SULF1: variants seen among roughly 807,000 people sequenced by gnomAD.
SULF1 encodes the protein extracellular sulfatase Sulf-1.
A neutral mutation model predicts 110.5 loss-of-function variants in SULF1; 46 were observed. The ratio of observed to expected loss-of-function variants is 0.42; its 90% CI spans 0.33 to 0.53. The LOEUF (loss-of-function observed/expected upper bound fraction) is 0.53. Among genes scored for constraint, SULF1 ranks in the 20% least tolerant of loss-of-function variants. The probability of loss-of-function intolerance (pLI) is 0.12; values close to 1 mark genes in which losing one functional copy is unlikely to be tolerated. For missense variants in SULF1, 941 were observed against 1,094.2 expected (o/e 0.86, Z 1.98); for synonymous variants, 371 against 387.1 (o/e 0.96, Z 0.49).
chr8:69,524,255 A>G (rs901656287), intron 3 of SULF1, among the ~76,000 whole-genome samples: 2 of 152,116 alleles, frequency 1.3e-5, no homozygotes, highest in Non-Finnish European at 2.9e-5. Flanking sequence ...GCCTTGCTAT[A>G]AAGAAATACC....
At chr8:69,554,994 A>C (rs1354930105) in intron 3 of SULF1, among the ~76,000 whole-genome samples, 30 of 87,638 alleles carry the variant, frequency 3.4e-4, no homozygotes, top group African/African-American at 1.2e-3. Flanking sequence ...AAAAAAAAAA[A>C]AAAACAAAAA....
At chr8:69,622,904 A>G (rs1281828013) in intron 14 of SULF1, among the ~76,000 whole-genome samples, 1 of 152,076 alleles carries the variant, frequency 6.6e-6, no homozygotes, top group Non-Finnish European at 1.5e-5. Flanking sequence ...TGATCTGGAA[A>G]CTGCAGGATT....
chr8:69,603,436 AC>A, intron 11 of SULF1, 116 bp downstream of exon 11: 1 of 1,534,136 alleles, frequency 6.5e-7, no homozygotes, highest in Non-Finnish European at 9.0e-7. Context: ...CACAAGGATC[AC>A]CCCAAGCTGA....
chr8:69,605,093 C>T (rs1368042718), intron 13 of SULF1, among the ~76,000 whole-genome samples, 161 bp downstream of exon 13: 3 of 152,198 alleles, frequency 2.0e-5, no homozygotes, highest in Admixed American at 1.3e-4. Context: ...GACAGAATTA[C>T]GTAACTGGTT....
At chr8:69,498,146 C>CA (rs1563470203) in intron 2 of SULF1, among the ~76,000 whole-genome samples, 1 of 148,392 alleles carries the variant, frequency 6.7e-6, no homozygotes, top group Non-Finnish European at 1.5e-5. Context: ...CACACACACA[C>CA]ACTCACAAGC....
intron 22 of SULF1, among the ~76,000 whole-genome samples, chr8:69,651,166 T>G (rs7822649): frequency 0.53 from 80,509 of 150,942 alleles, 22,221 homozygotes; most frequent in African/African-American, 0.69. Flanking sequence ...CCATTCTTCT[T>G]CCTCCCCTCC....
chr8:69,499,251 C>G (rs978755294), intron 2 of SULF1, among the ~76,000 whole-genome samples: 16 of 152,128 alleles, frequency 1.1e-4, no homozygotes, highest in Non-Finnish European at 1.5e-5. Flanking sequence ...GCTATAAATA[C>G]ACATTAGCAT....
intron 21 of SULF1, among the ~76,000 whole-genome samples, chr8:69,639,693 G>A (rs1811316011): frequency 6.6e-6 from 1 of 152,210 alleles, no homozygotes; most frequent in Non-Finnish European, 1.5e-5. Context: ...CAGTTTGCAG[G>A]AGCTTTTTGT....
intron 3 of SULF1, among the ~76,000 whole-genome samples, chr8:69,541,307 G>A (rs1813839395): frequency 6.6e-6 from 1 of 152,174 alleles, no homozygotes. Context: ...CCTAGGCAAA[G>A]GCAACATGGC....
At chr8:69,568,593 G>A (rs897846307) in intron 5 of SULF1, among the ~76,000 whole-genome samples, 7 of 152,184 alleles carry the variant, frequency 4.6e-5, no homozygotes, top group African/African-American at 1.7e-4. Flanking sequence ...CATCATCCCA[G>A]GAGGAAACAG....
Position 69,639,455 on chromosome 8 carries a change from G to A in SULF1, c.2551+597G>A, listed in dbSNP as rs180870930. The stretch of plus-strand genomic sequence containing the variant: ...CCTTCCCAGCTATGTGTGTTAAACT[G>A]GCTTATTTCTCCTTTGTTTCATGGA... On this transcript the variant is annotated intron_variant, in intron 21 of 22. Coordinates refer to ENST00000402687, the MANE Select transcript of SULF1 (RefSeq NM_001128205.2). Among the ~76,000 whole-genome samples, 5 of 152,342 alleles carry A rather than the reference G, an allele frequency of 3.3e-5. No homozygotes were observed. The East Asian group carries it at 9.6e-4, about 29-fold the overall frequency.
At chr8:69,490,879 G>C (rs951449753), upstream of SULF1, among the ~76,000 whole-genome samples, 3 of 152,172 alleles carry the variant, frequency 2.0e-5, no homozygotes, top group African/African-American at 7.2e-5. Flanking sequence ...TTTGTAAATA[G>C]TAGCTATAAT....
At chr8:69,593,506 T>G (rs1807058313) in intron 8 of SULF1, among the ~76,000 whole-genome samples, 2 of 152,214 alleles carry the variant, frequency 1.3e-5, no homozygotes, top group African/African-American at 4.8e-5. Flanking sequence ...CATCGGGTTA[T>G]AACTACCTGA....
rs960588489 is a variant in SULF1 at position 69,493,102 on chromosome 8, G to C, written c.-414G>C. On this transcript the variant is annotated 5_prime_UTR_variant, in exon 1 of 23. The change abolishes the stop of an existing upstream ORF in the 5' untranslated region. Coordinates refer to ENST00000402687, the MANE Select transcript of SULF1 (RefSeq NM_001128205.2). ...CCCTGTTCCCAGAGCTTTTTCTCTA[G>C]AGAAGATTTTGAAGGCGGCTTTTGT... The C allele has an allele frequency of 2.0e-5, 3 of 152,762 alleles. No homozygotes were observed. The highest frequency in any genetic ancestry group is 7.2e-5 in the African/African-American group (3 of 41,574). 9.5% of individuals were successfully genotyped at this position (152,762 alleles called of 1,614,324 possible).
chr8:69,582,406 A>G (rs957785963), intron 6 of SULF1, among the ~76,000 whole-genome samples: 1 of 152,198 alleles, frequency 6.6e-6, no homozygotes, highest in African/African-American at 2.4e-5. Context: ...TGGTGATGCT[A>G]ATAACAATAT....
intron 3 of SULF1, among the ~76,000 whole-genome samples, chr8:69,545,879 G>C (rs899023822): frequency 6.6e-6 from 1 of 152,134 alleles, no homozygotes; most frequent in Admixed American, 6.5e-5. Context: ...CTTTTTAGTA[G>C]AGACAGGGTT....
At chr8:69,612,431 G>A (rs889071741) in intron 13 of SULF1, among the ~76,000 whole-genome samples, 1 of 152,160 alleles carries the variant, frequency 6.6e-6, no homozygotes, top group African/African-American at 2.4e-5. Flanking sequence ...ACTCCATACT[G>A]TTTTCTGTAA....
At chr8:69,583,379 C>A (rs1366084194) in intron 6 of SULF1, among the ~76,000 whole-genome samples, 1 of 148,592 alleles carries the variant, frequency 6.7e-6, no homozygotes, top group Non-Finnish European at 1.5e-5. Context: ...ACCAACCTGA[C>A]CAATATGGTG....
In SULF1 at chr8:69,601,747, G is replaced by C. The variant is rs750105102; in HGVS notation, c.979G>C (p.Val327Leu). Residue 327 changes from valine to leucine, a missense_variant, in exon 10 of 23, where the codon GTC becomes CTC. Physicochemically the swap from Val to Leu is conservative, Grantham distance 32 (BLOSUM62 1). Coordinates refer to ENST00000402687, the MANE Select transcript of SULF1 (RefSeq NM_001128205.2). Reference protein sequence around the residue: ...HGYHIGQFGLVKGKSMPYDFD... With the variant: ...HGYHIGQFGLLKGKSMPYDFD... The stretch of plus-strand genomic sequence containing the variant: ...TTACCATATTGGGCAGTTTGGACTG[G>C]TCAAGGGGAAATCCATGCCATATGA... The C allele has an allele frequency of 1.2e-6, 2 of 1,613,612 alleles. No homozygotes were observed. The highest frequency in any genetic ancestry group is 2.7e-5 in the African/African-American group (2 of 74,908).
Sources: gnomAD v4.1 joint callset for allele counts (sites outside exome capture counted in the v4.1 genomes callset) on GRCh38, gnomAD v4.1.1 for gene constraint, MANE v1.5 for transcripts, NCBI Gene and HGNC (gene_info 2026-07-23, HGNC 2026-07-21) for gene names.